LGALS2: variants seen among roughly 807,000 people sequenced by gnomAD.
LGALS2 encodes the protein galectin-2.
In LGALS2, 7 loss-of-function variants were observed where a neutral mutation model predicts 10.1. That is an observed-to-expected ratio of 0.70 (90% CI 0.40 to 1.31). LGALS2 has a LOEUF of 1.31. Ranked by LOEUF, LGALS2 falls within the 50% of genes most tolerant of loss-of-function variation. The pLI is 0.01. For missense variants in LGALS2, 167 were observed against 163.6 expected, an observed-to-expected ratio of 1.02 and a Z score of -0.11; for synonymous variants, 86 against 64.2, an observed-to-expected ratio of 1.34 and a Z score of -1.63.
chr22:37,573,135 G>A (rs751539324), intron 1 of LGALS2, among the ~76,000 whole-genome samples: 1 of 149,068 alleles, frequency 6.7e-6, no homozygotes, highest in Non-Finnish European at 1.5e-5. Flanking sequence ...GCCAGGTGTG[G>A]TGGCACGCAT....
rs796390468 is a variant in LGALS2 at position 37,573,207 on chromosome 22, G to T, written c.7-1276C>A. On this transcript the variant is annotated intron_variant, in intron 1 of 3. Transcript: ENST00000215886. ...AACGGCTTAAGCCTGGGAGGCAGAGGTTGCAGTAAGACAAGATCACGCCAC... is the reference window on the plus strand; with the variant it reads ...AACGGCTTAAGCCTGGGAGGCAGAGTTTGCAGTAAGACAAGATCACGCCAC... Among the ~76,000 whole-genome samples, 5 of 152,186 alleles carry T rather than the reference G, an allele frequency of 3.3e-5. No individual in the cohort carries two copies. The East Asian group carries it at 7.7e-4, about 24-fold the overall frequency.
chr22:37,577,226 G>A (rs1189635120), intron 1 of LGALS2, among the ~76,000 whole-genome samples: 1 of 152,152 alleles, frequency 6.6e-6, no homozygotes, highest in Non-Finnish European at 1.5e-5. Flanking sequence ...TCCCCGAGAG[G>A]CAGAGGGTGA....
At chr22:37,577,631 G>A (rs566649075) in intron 1 of LGALS2, among the ~76,000 whole-genome samples, 3 of 151,842 alleles carry the variant, frequency 2.0e-5, no homozygotes, top group South Asian at 2.1e-4. Context: ...CGCCTGCCTC[G>A]GCCTCCCAAA....
At position 37,580,032 on chromosome 22, in the gene LGALS2, T is replaced by C; in HGVS notation, c.-127A>G. 2 of 934,636 alleles carry C rather than the reference T, an allele frequency of 2.1e-6. No homozygotes were observed. The highest frequency in any genetic ancestry group is 3.2e-6 in the Non-Finnish European group (2 of 622,984). The allele number at this position is 934,636 out of a possible 1,614,324, so 57.9% of individuals were successfully genotyped here. ...CCCTCAAGGTCCTAGGTGAGGACTT[T>C]GCCCCTTCTACCTTGTGTCTCCCCG... On this transcript the variant is annotated 5_prime_UTR_variant, in exon 1 of 4. Coordinates refer to ENST00000215886, the MANE Select transcript of LGALS2 (RefSeq NM_006498.3).
intron 1 of LGALS2, among the ~76,000 whole-genome samples, chr22:37,575,357 GCCA>G (rs751023666): frequency 2.0e-5 from 3 of 151,796 alleles, no homozygotes; most frequent in Non-Finnish European, 4.4e-5. Flanking sequence ...ATAGACGTGT[GCCA>G]CCATGCCCAG....
chr22:37,576,476 A>T (rs1013691110), intron 1 of LGALS2, among the ~76,000 whole-genome samples: 1 of 138,380 alleles, frequency 7.2e-6, no homozygotes, highest in Non-Finnish European at 1.6e-5. Context: ...AAAAAAAAAA[A>T]TCAGTCTCTC....
Position 37,572,902 on chromosome 22 carries a change from C to T in LGALS2, c.7-971G>A, listed in dbSNP as rs190379693. Among the ~76,000 whole-genome samples, 7 of 151,376 alleles carry T rather than the reference C, an allele frequency of 4.6e-5. 1 individual carries two copies. The highest frequency in any genetic ancestry group is 4.2e-4 in the South Asian group (2 of 4,784). ...GGGAGAATTGCTTGAATTCTGGAAGCGGAGGTTGCCATGAGCTGAGATCGT... is the reference window on the plus strand; with the variant it reads ...GGGAGAATTGCTTGAATTCTGGAAGTGGAGGTTGCCATGAGCTGAGATCGT... On this transcript the variant is annotated intron_variant, in intron 1 of 3. Transcript: ENST00000215886.
At chr22:37,572,216 C>G (rs924893307) in intron 1 of LGALS2, among the ~76,000 whole-genome samples, 1 of 152,262 alleles carries the variant, frequency 6.6e-6, no homozygotes, top group Admixed American at 6.5e-5. Flanking sequence ...GGGCAGAGTG[C>G]TTCCTGCCCA....
chr22:37,572,981 CA>C (rs57575086), intron 1 of LGALS2, among the ~76,000 whole-genome samples: 16,017 of 134,998 alleles, frequency 0.12, 2,284 homozygotes, highest in African/African-American at 0.35. Flanking sequence ...CAAAGAAAAA[CA>C]AAAAAAAAAG....
intron 3 of LGALS2, 58 bp downstream of exon 3, chr22:37,570,518 T>C: frequency 6.2e-7 from 1 of 1,610,464 alleles, no homozygotes; most frequent in African/African-American, 1.3e-5. Context: ...CCAGGCTCTC[T>C]TCCATCTGGG....
chr22:37,577,212 G>T (rs1205611347), intron 1 of LGALS2, among the ~76,000 whole-genome samples: 1 of 152,124 alleles, frequency 6.6e-6, no homozygotes, highest in African/African-American at 2.4e-5. Context: ...GGCCACAGCA[G>T]TCCTCCCCGA....
At chr22:37,571,334 C>T (rs766632190) in intron 2 of LGALS2, among the ~76,000 whole-genome samples, 65 of 152,220 alleles carry the variant, frequency 4.3e-4, no homozygotes, top group Non-Finnish European at 7.9e-4. Flanking sequence ...AAGCACAGTT[C>T]CAAGATGCGC....
chr22:37,573,178 G>C (rs187656356), intron 1 of LGALS2, among the ~76,000 whole-genome samples: 2 of 152,254 alleles, frequency 1.3e-5, no homozygotes, highest in Admixed American at 1.3e-4. Context: ...GGCTGAGGCA[G>C]GAGAACGGCT....
chr22:37,577,771 C>T (rs1053348362), intron 1 of LGALS2, among the ~76,000 whole-genome samples: 3 of 152,084 alleles, frequency 2.0e-5, no homozygotes, highest in Non-Finnish European at 4.4e-5. Context: ...CCAATACGAC[C>T]AGTGTTCTCA....
intron 3 of LGALS2, 62 bp from the exon 4 acceptor site, chr22:37,570,474 G>C (rs1173139268): frequency 8.7e-6 from 14 of 1,605,704 alleles, no homozygotes; most frequent in Non-Finnish European, 1.2e-5. Flanking sequence ...GGCAGTGCCT[G>C]ATGGCTCAAA....
intron 1 of LGALS2, among the ~76,000 whole-genome samples, chr22:37,574,518 A>C (rs1003317644): frequency 3.3e-5 from 5 of 149,694 alleles, no homozygotes; most frequent in South Asian, 2.1e-4. Context: ...AAAAAAAAAA[A>C]AACTCATTAC....
chr22:37,571,303 C>G (rs1400629269), intron 2 of LGALS2, among the ~76,000 whole-genome samples: 1 of 152,212 alleles, frequency 6.6e-6, no homozygotes, highest in Non-Finnish European at 1.5e-5. Context: ...TGCCCGCCCC[C>G]TCTCTAACCA....
At chr22:37,576,568 C>T (rs571171520) in intron 1 of LGALS2, among the ~76,000 whole-genome samples, 15 of 152,068 alleles carry the variant, frequency 9.9e-5, no homozygotes, top group African/African-American at 3.6e-4. Context: ...AAACAGAAGA[C>T]AGGTGTGCCC....
intron 1 of LGALS2, chr22:37,578,634 A>C (rs1475487153): frequency 1.3e-5 from 2 of 151,158 alleles, no homozygotes; most frequent in African/African-American, 4.9e-5. Context: ...TGAGCAACAT[A>C]GTGAGACCTC....
Sources: allele counts gnomAD v4.1 joint callset (sites outside exome capture counted in the v4.1 genomes callset), GRCh38; gene constraint gnomAD v4.1.1; transcripts MANE v1.5; gene names NCBI Gene and HGNC (gene_info 2026-07-23, HGNC 2026-07-21).